Variants in SPECC1L observed in about 807,000 individuals in gnomAD.
The protein encoded by SPECC1L is sperm antigen with calponin homology and coiled-coil domains 1 like.
SPECC1L carries 40 observed loss-of-function variants against 116.8 expected under a neutral mutation model. That is an observed-to-expected ratio of 0.34 (90% confidence interval 0.27 to 0.45). The LOEUF is 0.45. Ranked by LOEUF, SPECC1L falls within the 20% of genes least tolerant of loss-of-function variation. The pLI is 1.00. For synonymous variants in SPECC1L, 504 were observed against 500.6 expected (o/e 1.01, Z -0.09); for missense variants, 1,110 against 1,373.6 (o/e 0.81, Z 3.03).
At chr22:24,401,829 C>T (rs932306458) in intron 14 of SPECC1L, among the ~76,000 whole-genome samples, 7 of 152,168 alleles carry the variant, frequency 4.6e-5, no homozygotes, top group East Asian at 1.9e-4. Flanking sequence ...GTTCACACCA[C>T]GTGAATGAAT....
intron 14 of SPECC1L, among the ~76,000 whole-genome samples, chr22:24,400,573 G>C (rs965420969): frequency 6.6e-6 from 1 of 152,134 alleles, no homozygotes; most frequent in African/African-American, 2.4e-5. Context: ...TCAGTTCTTT[G>C]AAGTATAGAC....
At chr22:24,359,358 C>G (rs1209981658) in intron 11 of SPECC1L, among the ~76,000 whole-genome samples, 1 of 152,086 alleles carries the variant, frequency 6.6e-6, no homozygotes, top group Non-Finnish European at 1.5e-5. Context: ...TTCTTCTGCA[C>G]TCTCTCTCTC....
At chr22:24,285,496 G>A (rs1345622059) in intron 2 of SPECC1L, among the ~76,000 whole-genome samples, 1 of 152,164 alleles carries the variant, frequency 6.6e-6, no homozygotes, top group African/African-American at 2.4e-5. Context: ...CAACCAGTCT[G>A]AGTTCTTTCC....
chr22:24,374,609 C>T (rs1037953202), intron 14 of SPECC1L, among the ~76,000 whole-genome samples: 2 of 120,570 alleles, frequency 1.7e-5, no homozygotes, highest in Non-Finnish European at 3.2e-5. Context: ...GAACATAACA[C>T]ACAGGGGCCT....
chr22:24,295,809 G>A (rs529591236), intron 2 of SPECC1L, among the ~76,000 whole-genome samples: 19 of 152,206 alleles, frequency 1.2e-4, no homozygotes, highest in African/African-American at 3.9e-4. Context: ...TTAGCCAAGC[G>A]TGGTGGCAGG....
intron 13 of SPECC1L, among the ~76,000 whole-genome samples, chr22:24,367,195 A>C (rs1175273307): frequency 6.6e-6 from 1 of 152,194 alleles, no homozygotes; most frequent in Non-Finnish European, 1.5e-5. Flanking sequence ...TCTGTCTTTA[A>C]AAAAGTGACT....
chr22:24,334,623 T>A, intron 9 of SPECC1L, 50 bp downstream of exon 9: 1 of 1,583,578 alleles, frequency 6.3e-7, no homozygotes, highest in East Asian at 2.2e-5. Context: ...TGTGTTCACT[T>A]ACCTTATATT....
chr22:24,321,238 C>G (rs761434531), intron 4 of SPECC1L, 50 bp from the exon 5 acceptor site: 2 of 1,604,494 alleles, frequency 1.2e-6, no homozygotes, highest in Non-Finnish European at 1.7e-6. Flanking sequence ...TTCTATGTAG[C>G]CTTTTATTGC....
chr22:24,343,356 A>C (rs1165735998), intron 10 of SPECC1L: 1 of 364,508 alleles, frequency 2.7e-6, no homozygotes, highest in Non-Finnish European at 5.4e-6. Context: ...TTGCTGAAAA[A>C]CAGTGATAAG....
chr22:24,375,011 G>T (rs890793052), intron 14 of SPECC1L, among the ~76,000 whole-genome samples: 3 of 150,894 alleles, frequency 2.0e-5, no homozygotes, highest in African/African-American at 7.4e-5. Context: ...CGTTACTAAT[G>T]ACCTTAAGAA....
chr22:24,336,717 A>G (rs2041066966), intron 9 of SPECC1L, among the ~76,000 whole-genome samples: 1 of 152,198 alleles, frequency 6.6e-6, no homozygotes, highest in African/African-American at 2.4e-5. Flanking sequence ...AATGTTTTTT[A>G]AAAGCCTCAT....
At chr22:24,374,288 T>C (rs1196330418) in intron 14 of SPECC1L, among the ~76,000 whole-genome samples, 5 of 151,930 alleles carry the variant, frequency 3.3e-5, no homozygotes, top group East Asian at 1.9e-4. Flanking sequence ...ACCCAAAGGA[T>C]TATAAATCAT....
chr22:24,409,718 G>T (rs549890043), intron 14 of SPECC1L, among the ~76,000 whole-genome samples: 3 of 152,296 alleles, frequency 2.0e-5, no homozygotes, highest in East Asian at 3.9e-4. Flanking sequence ...TTAAAATATG[G>T]AATAAGGTGC....
At chr22:24,356,806 T>C (rs1258454753) in intron 11 of SPECC1L, among the ~76,000 whole-genome samples, 1 of 152,186 alleles carries the variant, frequency 6.6e-6, no homozygotes, top group Non-Finnish European at 1.5e-5. Context: ...TACTGACTTA[T>C]TATTTGTATC....
intron 2 of SPECC1L, among the ~76,000 whole-genome samples, chr22:24,290,642 T>A (rs2049140212): frequency 6.6e-6 from 1 of 152,232 alleles, no homozygotes. Flanking sequence ...CCTGTCTGTT[T>A]CATGCACCTT....
intron 2 of SPECC1L, among the ~76,000 whole-genome samples, chr22:24,290,856 A>G (rs1459191907): frequency 2.0e-5 from 3 of 152,202 alleles, no homozygotes; most frequent in African/African-American, 7.2e-5. Flanking sequence ...AATCCATTAC[A>G]TTATGATTTA....
At chr22:24,322,947 G>A (rs780671333) in intron 5 of SPECC1L, 29 bp downstream of exon 5, 30 of 1,612,428 alleles carry the variant, frequency 1.9e-5, no homozygotes, top group African/African-American at 1.2e-4. Flanking sequence ...AAAATGTTCC[G>A]GACAGCATTA....
In SPECC1L at chr22:24,397,235, A is replaced by G. The variant is rs558813464; in HGVS notation, c.3088-14353A>G. Among the ~76,000 whole-genome samples, 3 of 152,328 alleles carry G rather than the reference A, an allele frequency of 2.0e-5. No individual in the cohort carries two copies. In the South Asian group the frequency reaches 6.2e-4, roughly 32 times the overall value. ...CGAATACACCGACAGAGTGAAAAGA[A>G]TGCTTCAGTTCCTTCTGTAAGCAAT... On this transcript the variant is annotated intron_variant, in intron 14 of 16. Transcript: ENST00000314328.
intron 14 of SPECC1L, among the ~76,000 whole-genome samples, chr22:24,375,847 G>C (rs1445606135): frequency 6.6e-6 from 1 of 152,118 alleles, no homozygotes; most frequent in Non-Finnish European, 1.5e-5. Flanking sequence ...CTACTTGGGA[G>C]GCTGAGACAT....
Sources: gnomAD v4.1 joint callset for allele counts (sites outside exome capture counted in the v4.1 genomes callset) on GRCh38, gnomAD v4.1.1 for gene constraint, MANE v1.5 for transcripts, NCBI Gene and HGNC (gene_info 2026-07-23, HGNC 2026-07-21) for gene names.